EBF3: variants seen among roughly 807,000 people sequenced by gnomAD.
EBF3 encodes the protein transcription factor COE3.
EBF3 carries 18 observed loss-of-function variants against 77.1 expected under a neutral mutation model. The ratio of observed to expected loss-of-function variants is 0.23; its 90% CI spans 0.16 to 0.35. The LOEUF is 0.35. EBF3 is among the 10% of genes least tolerant of loss of function. The probability of loss-of-function intolerance (pLI) is 1.00; values close to 1 mark genes in which losing one functional copy is unlikely to be tolerated. For missense variants in EBF3, 558 were observed against 860.0 expected (o/e 0.65, Z 4.39); for synonymous variants, 350 against 343.5 (o/e 1.02, Z -0.21).
intron 6 of EBF3, among the ~76,000 whole-genome samples, chr10:129,882,798 T>C (rs1204521590): frequency 1.3e-5 from 2 of 152,222 alleles, no homozygotes; most frequent in Non-Finnish European, 2.9e-5. Flanking sequence ...AAGCTGCAAC[T>C]TACCACTGGC....
Position 129,840,232 on chromosome 10 carries a change from G to A in EBF3, c.1759+13C>T, listed in dbSNP as rs773126232. ...GGACCCAGCACTGGCCCACGGCCCCGCACCACCCTCACCTTGCAGTCCATT... is the reference window on the plus strand; with the variant it reads ...GGACCCAGCACTGGCCCACGGCCCCACACCACCCTCACCTTGCAGTCCATT... On this transcript the variant is annotated intron_variant, in intron 15 of 16. Coordinates refer to ENST00000440978, the MANE Select transcript of EBF3 (RefSeq NM_001375380.1). The A allele has an allele frequency of 7.4e-5, 97 of 1,304,942 alleles. No homozygotes were observed. In the Middle Eastern group the frequency reaches 1.0e-3, roughly 14 times the overall value. 80.8% of individuals were successfully genotyped at this position (1,304,942 alleles called of 1,614,324 possible). A position where few individuals can be genotyped will look rare whatever the true frequency, so the allele number is the denominator to read the frequency against.
rs1198910677 is a variant in EBF3, at chr10:129,952,891, A to G, written c.554+4367T>C. ...TGCAGAAAGGCGCTTTAAATGAGGTAAATGAATAAAATGTCCCAGAGCACA... is the reference window on the plus strand; with the variant it reads ...TGCAGAAAGGCGCTTTAAATGAGGTGAATGAATAAAATGTCCCAGAGCACA... On this transcript the variant is annotated intron_variant, in intron 6 of 16. Transcript: ENST00000440978. This position sits in a 1 kb window ranked among gnomAD's most constrained non-coding sequence, Gnocchi z 4.7. 6.6e-6 allele frequency among the ~76,000 whole-genome samples: 1 copy of G among 152,220 alleles called. No homozygotes were observed. Among genetic ancestry groups the G allele is most frequent in the East Asian group, 1.9e-4 (1 of 5,198 alleles).
In EBF3 at chr10:129,943,035, T is replaced by C. The variant is rs1343364476; in HGVS notation, c.554+14223A>G. On this transcript the variant is annotated intron_variant, in intron 6 of 16. Coordinates refer to ENST00000440978, the MANE Select transcript of EBF3 (RefSeq NM_001375380.1). The surrounding 1 kb of genome is among the most constrained non-coding windows in gnomAD (Gnocchi z 8.8). Reference sequence around the variant, plus strand: ...TTTTCTCTGGATTCTAAGAGGAAGGTAGCAGATACAACCGATTCCTGTCCT... The same window carrying C: ...TTTTCTCTGGATTCTAAGAGGAAGGCAGCAGATACAACCGATTCCTGTCCT... Among the ~76,000 whole-genome samples the C allele has an allele frequency of 6.6e-6, 1 of 152,212 alleles. No homozygotes were observed. The highest frequency in any genetic ancestry group is 1.5e-5 in the Non-Finnish European group (1 of 68,042).
chr10:129,953,861 A>T (rs1376202379), intron 6 of EBF3, among the ~76,000 whole-genome samples: 2 of 152,198 alleles, frequency 1.3e-5, no homozygotes, highest in Admixed American at 6.5e-5. Context: ...TGGGAGCCAG[A>T]GTGTGGTGTT....
chr10:129,876,692 T>C (rs1170636669), intron 7 of EBF3, among the ~76,000 whole-genome samples: 1 of 152,218 alleles, frequency 6.6e-6, no homozygotes, highest in East Asian at 1.9e-4. Flanking sequence ...TCCAAGCTAG[T>C]GGTCATTTCC....
chr10:129,929,957 G>T (rs1856897804), intron 6 of EBF3, among the ~76,000 whole-genome samples: 1 of 152,170 alleles, frequency 6.6e-6, no homozygotes, highest in African/African-American at 2.4e-5. Flanking sequence ...GGTAGGGAAG[G>T]TCCACCCTCA....
rs1345028181 is a variant in EBF3 at position 129,964,211 on chromosome 10, G to A, written c.-443C>T. ...CCCGGGCGCAGGCGGGGCGCGGCGGGGCCTGGAGCGGCGCGCGCAGCGGAC... is the reference window on the plus strand; with the variant it reads ...CCCGGGCGCAGGCGGGGCGCGGCGGAGCCTGGAGCGGCGCGCGCAGCGGAC... On this transcript the variant is annotated 5_prime_UTR_variant, in exon 1 of 17. Coordinates refer to ENST00000440978, the MANE Select transcript of EBF3 (RefSeq NM_001375380.1). This position sits in a 1 kb window ranked among gnomAD's most constrained non-coding sequence, Gnocchi z 4.5. The A allele has an allele frequency of 6.1e-6, 6 of 984,942 alleles. No individual in the cohort carries two copies. Among genetic ancestry groups the A allele is most frequent in the Admixed American group, 1.2e-4 (2 of 16,236 alleles). The allele number at this position is 984,942 out of a possible 1,614,324, so 61.0% of individuals were successfully genotyped here. A position where few individuals can be genotyped will look rare whatever the true frequency, so the allele number is the denominator to read the frequency against.
intron 6 of EBF3, among the ~76,000 whole-genome samples, chr10:129,924,572 A>G (rs1856537724): frequency 2.0e-5 from 3 of 152,254 alleles, no homozygotes; most frequent in Non-Finnish European, 2.9e-5. Context: ...AGCTCCTGAA[A>G]TAATTAAAAA....
intron 6 of EBF3, among the ~76,000 whole-genome samples, chr10:129,892,632 G>A (rs530098312): frequency 6.6e-6 from 1 of 152,290 alleles, no homozygotes; most frequent in African/African-American, 2.4e-5. Flanking sequence ...TCATAGCTAC[G>A]AACCAGCTAC....
chr10:129,917,933 A>G (rs892782231), intron 6 of EBF3, among the ~76,000 whole-genome samples: 1 of 152,228 alleles, frequency 6.6e-6, no homozygotes, highest in Non-Finnish European at 1.5e-5. Context: ...AATAACAATC[A>G]TGAACTGTCC....
chr10:129,957,754 G>A (rs1429104718), intron 5 of EBF3, among the ~76,000 whole-genome samples: 1 of 152,016 alleles, frequency 6.6e-6, no homozygotes, highest in Non-Finnish European at 1.5e-5. Flanking sequence ...TATTTCTTTG[G>A]GGCATTTATT....
chr10:129,931,551 C>T (rs1589889872), intron 6 of EBF3, among the ~76,000 whole-genome samples: 1 of 152,254 alleles, frequency 6.6e-6, no homozygotes, highest in African/African-American at 2.4e-5. Flanking sequence ...CAGTTGACTT[C>T]CCTGTCTGGG....
intron 6 of EBF3, among the ~76,000 whole-genome samples, chr10:129,902,747 G>A (rs938403547): frequency 1.2e-4 from 18 of 152,136 alleles, no homozygotes; most frequent in Admixed American, 9.8e-4. Context: ...CCCATAACCC[G>A]AGACCCGGGG....
In EBF3 at chr10:129,899,266, C is replaced by T. The variant is rs190968758; in HGVS notation, c.555-21417G>A. ...GACGGCACCATGGAATCAAAAGCAG[C>T]GTGGTTAACTGCCAATGAAAACGTC... On this transcript the variant is annotated intron_variant, in intron 6 of 16. Coordinates refer to ENST00000440978, the MANE Select transcript of EBF3 (RefSeq NM_001375380.1). Among the ~76,000 whole-genome samples, 1,264 of 152,352 alleles carry T rather than the reference C, an allele frequency of 8.3e-3. 26 individuals carry two copies. Among genetic ancestry groups the T allele is most frequent in the African/African-American group, 0.029 (1,189 of 41,582 alleles).
In EBF3 at chr10:129,964,059, G is replaced by T; in HGVS notation, c.-291C>A. 2.0e-6 allele frequency: 2 copies of T among 985,230 alleles called. No homozygotes were observed. Among genetic ancestry groups the T allele is most frequent in the Non-Finnish European group, 2.4e-6 (2 of 829,874 alleles). 61.0% of individuals were successfully genotyped at this position (985,230 alleles called of 1,614,324 possible). On this transcript the variant is annotated 5_prime_UTR_variant, in exon 1 of 17. Transcript: ENST00000440978. The surrounding 1 kb of genome is among the most constrained non-coding windows in gnomAD (Gnocchi z 4.5). ...TGTTGTTGTTGTTGTTTGCAGGCGC[G>T]CTCAACGTGGTGTCATCCTAGCCAG...
At chr10:129,924,476 G>C (rs1856530683) in intron 6 of EBF3, among the ~76,000 whole-genome samples, 1 of 151,762 alleles carries the variant, frequency 6.6e-6, no homozygotes, top group African/African-American at 2.4e-5. Context: ...ATAGGTACTG[G>C]TGAGGATGGA....
rs1857993405 is a variant in EBF3, at chr10:129,944,012, C to G, written c.554+13246G>C. ...TATGCGTGATTTCTGAGTTGATTAA[C>G]ATTTCATCTCTAGTGTTATGTTATT... On this transcript the variant is annotated intron_variant, in intron 6 of 16. Coordinates refer to ENST00000440978, the MANE Select transcript of EBF3 (RefSeq NM_001375380.1). The surrounding 1 kb of genome is among the most constrained non-coding windows in gnomAD (Gnocchi z 5.1). Among the ~76,000 whole-genome samples the G allele has an allele frequency of 6.6e-6, 1 of 152,188 alleles. No individual in the cohort carries two copies. Among genetic ancestry groups the G allele is most frequent in the East Asian group, 1.9e-4 (1 of 5,198 alleles).
At chr10:129,874,048 G>A (rs1852587560) in intron 7 of EBF3, among the ~76,000 whole-genome samples, 1 of 152,144 alleles carries the variant, frequency 6.6e-6, no homozygotes, top group Non-Finnish European at 1.5e-5. Flanking sequence ...GCCCAAAAAA[G>A]GCTTCATAAA....
At chr10:129,846,722 T>C (rs971345642) in intron 11 of EBF3, among the ~76,000 whole-genome samples, 2 of 151,934 alleles carry the variant, frequency 1.3e-5, no homozygotes, top group Non-Finnish European at 2.9e-5. Context: ...AAATCAAATA[T>C]TTATGTTGTT....
Sources: gnomAD v4.1 joint callset for allele counts (sites outside exome capture counted in the v4.1 genomes callset) on GRCh38, gnomAD v4.1.1 for gene constraint, Gnocchi (gnomAD v3.1) non-coding constraint, MANE v1.5 for transcripts, NCBI Gene and HGNC (gene_info 2026-07-23, HGNC 2026-07-21) for gene names.